Variants in CNTNAP3 observed in about 807,000 individuals in gnomAD.
The protein encoded by CNTNAP3 is contactin associated protein family member 3, also known as contactin-associated protein-like 3.
CNTNAP3 carries 36 observed loss-of-function variants against 92.1 expected under a neutral mutation model. The observed-to-expected ratio is 0.39, with a 90% CI of 0.30 to 0.52. The LOEUF (loss-of-function observed/expected upper bound fraction) is 0.52. CNTNAP3 is among the 20% of genes least tolerant of loss of function. The probability of loss-of-function intolerance (pLI) is 0.76; values close to 1 mark genes in which losing one functional copy is unlikely to be tolerated. For synonymous variants in CNTNAP3, 232 were observed against 422.3 expected (o/e 0.55, Z 5.53); for missense variants, 534 against 1,069.6 (o/e 0.50, Z 6.98).
chr9:39,135,166 T>C (rs1317890100), intron 12 of CNTNAP3, among the ~76,000 whole-genome samples: 6 of 152,356 alleles, frequency 3.9e-5, no homozygotes, highest in East Asian at 3.9e-4. Flanking sequence ...AAGAAGGACA[T>C]AGACCATTGT....
At chr9:39,118,399 G>GT in intron 13 of CNTNAP3, 140 bp from the exon 14 acceptor site, 1 of 1,205,876 alleles carries the variant, frequency 8.3e-7, no homozygotes, top group Middle Eastern at 2.9e-4. Context: ...TTAAATACTT[G>GT]TATTTTACCT....
rs1459673726 is a variant in CNTNAP3 at position 39,250,248 on chromosome 9, G to C, written c.197-11062C>G. On this transcript the variant is annotated intron_variant, in intron 2 of 23. Coordinates refer to ENST00000297668, the MANE Select transcript of CNTNAP3 (RefSeq NM_033655.5). ...TGATTTTGGTACTGTATGACTTTTT[G>C]TAAGTTCAAAAGCACAAGCCAACCT... Among the ~76,000 whole-genome samples, 2 of 9,462 alleles carry C rather than the reference G, an allele frequency of 2.1e-4. 1 individual carries two copies. Among genetic ancestry groups the C allele is most frequent in the African/African-American group, 2.3e-4 (2 of 8,856 alleles). 6.2% of individuals were successfully genotyped at this position (9,462 alleles called of 152,430 possible).
chr9:39,136,945 A>T (rs1401199923), intron 12 of CNTNAP3, among the ~76,000 whole-genome samples: 2 of 152,180 alleles, frequency 1.3e-5, no homozygotes, highest in African/African-American at 2.4e-5. Context: ...TAGTTTGAAA[A>T]TATAAGCCTG....
At chr9:39,111,851 C>A (rs1826755474) in intron 14 of CNTNAP3, among the ~76,000 whole-genome samples, 1 of 151,906 alleles carries the variant, frequency 6.6e-6, no homozygotes, top group African/African-American at 2.4e-5. Flanking sequence ...ATAATAAAGT[C>A]TTGTTTTTTC....
chr9:39,133,029 C>G lies in CNTNAP3; in HGVS notation c.1983G>C (p.Ala661=). The G allele has an allele frequency of 6.5e-7, 1 of 1,544,210 alleles. No individual in the cohort carries two copies. Among genetic ancestry groups the G allele is most frequent in the Non-Finnish European group, 8.7e-7 (1 of 1,151,828 alleles). The change falls in exon 13 of 24, where the codon GCG becomes GCC. Residue 661 remains alanine (A), a synonymous_variant. Coordinates refer to ENST00000297668, the MANE Select transcript of CNTNAP3 (RefSeq NM_033655.5). ...CCGCGGACCGCAGCTGCCCCGCGCC[C>G]GCTGCGTACGCGAAGGACACAGCCG... ...PRSAVSFAYA[A]GAGQLRSAVN...
At chr9:39,098,833 C>A (rs1252639775) in intron 18 of CNTNAP3, among the ~76,000 whole-genome samples, 2 of 152,114 alleles carry the variant, frequency 1.3e-5, no homozygotes, top group Non-Finnish European at 2.9e-5. Flanking sequence ...GTAAGTGTAA[C>A]AGCCCAGAGA....
intron 10 of CNTNAP3, among the ~76,000 whole-genome samples, chr9:39,149,411 G>A (rs1185932442): frequency 3.3e-5 from 5 of 151,622 alleles, no homozygotes; most frequent in South Asian, 2.1e-4. Context: ...GTGCAGTGGC[G>A]CGATCTCTGC....
Position 39,285,524 on chromosome 9 carries a change from T to C in CNTNAP3, c.85+2456A>G, listed in dbSNP as rs550253698. ...AAATGCCAAATGTTTAGAAAGCTTT[T>C]TTTTTTTGAGACAGAGTTTTGTGTT... On this transcript the variant is annotated intron_variant, in intron 1 of 23. Coordinates refer to ENST00000297668, the MANE Select transcript of CNTNAP3 (RefSeq NM_033655.5). 3.2e-4 allele frequency among the ~76,000 whole-genome samples: 18 copies of C among 57,020 alleles called. 6 individuals carry two copies. The highest frequency in any genetic ancestry group is 6.3e-4 in the African/African-American group (16 of 25,382). 37.4% of individuals were successfully genotyped at this position (57,020 alleles called of 152,430 possible).
chr9:39,079,668 CATT>C (rs901718877), intron 21 of CNTNAP3, among the ~76,000 whole-genome samples: 5 of 122,714 alleles, frequency 4.1e-5, no homozygotes, highest in East Asian at 2.7e-4. Flanking sequence ...ATTTATTTCA[CATT>C]ATTTCTTTTT....
At chr9:39,127,413 A>C (rs2118018135) in intron 13 of CNTNAP3, among the ~76,000 whole-genome samples, 1 of 152,178 alleles carries the variant, frequency 6.6e-6, no homozygotes, top group African/African-American at 2.4e-5. Flanking sequence ...TGAAGGAAGG[A>C]GATAACAAAG....
rs1461089250 is a variant in CNTNAP3 at position 39,142,764 on chromosome 9, CA to C, written c.1756+1475del. On this transcript the variant is annotated intron_variant, in intron 11 of 23. Transcript: ENST00000297668. ...ACTTCATGCTTCAATCTGTGAGAGT[CA>C]CTCCTGGACTGTCTCCTCTTTTGCC... Among the ~76,000 whole-genome samples the C allele has an allele frequency of 2.6e-5, 4 of 152,072 alleles. 1 individual carries two copies. Among genetic ancestry groups the C allele is most frequent in the Admixed American group, 1.3e-4 (2 of 15,264 alleles).
chr9:39,131,733 G>A (rs906862804), intron 13 of CNTNAP3, among the ~76,000 whole-genome samples: 2 of 152,230 alleles, frequency 1.3e-5, no homozygotes, highest in African/African-American at 2.4e-5. Flanking sequence ...GGCTGAGGCA[G>A]GAGAATCGCT....
At chr9:39,135,050 T>C (rs1821397993) in intron 12 of CNTNAP3, among the ~76,000 whole-genome samples, 1 of 152,162 alleles carries the variant, frequency 6.6e-6, no homozygotes, top group Non-Finnish European at 1.5e-5. Context: ...AAACTTGTTT[T>C]TCTGAAGAGT....
chr9:39,137,596 T>C (rs1191122975), intron 12 of CNTNAP3, among the ~76,000 whole-genome samples: 1 of 152,072 alleles, frequency 6.6e-6, no homozygotes, highest in African/African-American at 2.4e-5. Context: ...CACTGCATGC[T>C]CCGCCTCCCG....
intron 14 of CNTNAP3, among the ~76,000 whole-genome samples, chr9:39,114,291 T>C (rs1563882383): frequency 6.6e-6 from 1 of 151,924 alleles, no homozygotes; most frequent in Non-Finnish European, 1.5e-5. Context: ...TCACCTGTGT[T>C]AGCCAGGATG....
At position 39,132,988 on chromosome 9, in the gene CNTNAP3, C is replaced by T. The variant is rs1458531596; in HGVS notation, c.2024G>A (p.Arg675His). The stretch of plus-strand genomic sequence containing the variant: ...GCGCAGAGCCAGCCGCTGCTCGCAG[C>T]GCTCCGCCAGGTTCACCGCGGACCG... ...QLRSAVNLAERCEQRLALRCG... is the reference protein window; with the variant it reads ...QLRSAVNLAEHCEQRLALRCG... The change falls in exon 13 of 24, where the codon CGC becomes CAC. Residue 675 changes from arginine to histidine, a missense_variant. Physicochemically the swap from Arg to His is conservative, Grantham distance 29. Transcript: ENST00000297668. The T allele has an allele frequency of 6.5e-7, 1 of 1,540,444 alleles. No individual in the cohort carries two copies. The highest frequency in any genetic ancestry group is 8.7e-7 in the Non-Finnish European group (1 of 1,151,984).
chr9:39,079,434 T>C (rs1440478791), intron 21 of CNTNAP3, among the ~76,000 whole-genome samples: 1 of 151,116 alleles, frequency 6.6e-6, no homozygotes, highest in Admixed American at 6.6e-5. Flanking sequence ...CTTTATCTCA[T>C]TTAAGATTCG....
At chr9:39,076,111 C>G (rs1825755034) in intron 23 of CNTNAP3, among the ~76,000 whole-genome samples, 2 of 152,310 alleles carry the variant, frequency 1.3e-5, no homozygotes, top group Non-Finnish European at 2.9e-5. Context: ...GAGAACACTG[C>G]TAAGATGTTT....
At chr9:39,082,430 G>A (rs549296738) in intron 21 of CNTNAP3, among the ~76,000 whole-genome samples, 1 of 151,482 alleles carries the variant, frequency 6.6e-6, no homozygotes, top group South Asian at 2.1e-4. Flanking sequence ...ACCAATAAAG[G>A]ACTAATTGAT....
Sources: allele counts gnomAD v4.1 joint callset (sites outside exome capture counted in the v4.1 genomes callset), GRCh38; gene constraint gnomAD v4.1.1; transcripts MANE v1.5; gene names NCBI Gene and HGNC (gene_info 2026-07-23, HGNC 2026-07-21).